Variants in CFAP43 observed in about 807,000 individuals in gnomAD.
CFAP43 encodes cilia- and flagella-associated protein 43.
Under a neutral mutation model 218.9 loss-of-function variants are expected in CFAP43, and 155 were observed. The observed-to-expected ratio is 0.71, with a 90% CI of 0.62 to 0.81. The LOEUF (loss-of-function observed/expected upper bound fraction) is 0.81, where lower values mean the gene tolerates loss of function less well. Ranked by LOEUF, CFAP43 falls within the 30% of genes least tolerant of loss-of-function variation. CFAP43 has a pLI of 0.00. For synonymous variants in CFAP43, 645 were observed against 681.3 expected, an observed-to-expected ratio of 0.95 and a Z score of 0.83; for missense variants, 1,778 against 1,954.3, an observed-to-expected ratio of 0.91 and a Z score of 1.70.
At chr10:104,142,432 A>T in intron 32 of CFAP43, 39 bp from the exon 33 acceptor site, 1 of 1,525,824 alleles carries the variant, frequency 6.6e-7, no homozygotes, top group Non-Finnish European at 9.0e-7. Flanking sequence ...GAACATATGG[A>T]GCTTCAATTT....
At position 104,180,064 on chromosome 10, in the gene CFAP43, A is replaced by C. The variant is rs1218951137; in HGVS notation, c.2290-132T>G. The C allele has an allele frequency of 4.3e-6, 3 of 698,616 alleles. No homozygotes were observed. In the Admixed American group the frequency reaches 7.3e-5, roughly 17 times the overall value. 43.3% of individuals were successfully genotyped at this position (698,616 alleles called of 1,614,324 possible). A position where few individuals can be genotyped will look rare whatever the true frequency, so the allele number is the denominator to read the frequency against. The stretch of plus-strand genomic sequence containing the variant: ...TGCATTTTTGAAAATAATCTCCAAC[A>C]TTTTGTCTGCCCAAGATGTAACATT... On this transcript the variant is annotated intron_variant, in intron 17 of 37. Coordinates refer to ENST00000357060, the MANE Select transcript of CFAP43 (RefSeq NM_025145.7).
chr10:104,228,030 G>C (rs1230829573), intron 2 of CFAP43, among the ~76,000 whole-genome samples: 1 of 151,822 alleles, frequency 6.6e-6, no homozygotes, highest in Non-Finnish European at 1.5e-5. Context: ...TTTTAGTAAA[G>C]ATGGGGTTTC....
chr10:104,170,799 A>G (rs2089376996), intron 20 of CFAP43, among the ~76,000 whole-genome samples: 1 of 152,026 alleles, frequency 6.6e-6, no homozygotes, highest in South Asian at 2.1e-4. Context: ...TTCCTGTTGC[A>G]CAGTTAATAA....
chr10:104,205,631 G>A (rs1200334015), intron 7 of CFAP43, among the ~76,000 whole-genome samples: 2 of 152,174 alleles, frequency 1.3e-5, no homozygotes, highest in Non-Finnish European at 2.9e-5. Flanking sequence ...ATTCGTGTCT[G>A]ATAAGCTAAT....
intron 10 of CFAP43, among the ~76,000 whole-genome samples, chr10:104,194,354 A>G (rs2090324203): frequency 6.6e-6 from 1 of 152,232 alleles, no homozygotes; most frequent in African/African-American, 2.4e-5. Flanking sequence ...CAATTAGACC[A>G]ATAATAGTGA....
At chr10:104,190,646 G>T (rs1276462574) in intron 12 of CFAP43, among the ~76,000 whole-genome samples, 2 of 152,152 alleles carry the variant, frequency 1.3e-5, no homozygotes, top group Non-Finnish European at 2.9e-5. Context: ...TCAACCTCTA[G>T]AACTTTCAAC....
Position 104,143,421 on chromosome 10 carries a change from T to C in CFAP43, c.4158+5A>G, listed in dbSNP as rs1402685565. The C allele has an allele frequency of 6.2e-7, 1 of 1,612,184 alleles. No individual in the cohort carries two copies. Among genetic ancestry groups the C allele is most frequent in the Admixed American group, 1.7e-5 (1 of 59,938 alleles). On this transcript the variant is annotated splice_donor_5th_base_variant and intron_variant, in intron 32 of 37. Coordinates refer to ENST00000357060, the MANE Select transcript of CFAP43 (RefSeq NM_025145.7). ...AAAATTAAATTAAGTTAAAATAGTATATACTTTCTGTTCATTTTCCACTTT... is the reference window on the plus strand; with the variant it reads ...AAAATTAAATTAAGTTAAAATAGTACATACTTTCTGTTCATTTTCCACTTT...
intron 2 of CFAP43, among the ~76,000 whole-genome samples, chr10:104,228,713 C>T (rs1479386496): frequency 1.3e-5 from 2 of 152,142 alleles, no homozygotes; most frequent in African/African-American, 4.8e-5. Context: ...AGGTCACTCA[C>T]ACTTTTTTTT....
At chr10:104,132,686 C>A (rs545532809) in intron 35 of CFAP43, 3 of 985,386 alleles carry the variant, frequency 3.0e-6, no homozygotes, top group Non-Finnish European at 3.6e-6. Context: ...TCAATACATT[C>A]ATGTACACTA....
chr10:104,130,043 TC>T lies in CFAP43; in HGVS notation c.*95del. The T allele has an allele frequency of 7.1e-7, 1 of 1,403,104 alleles. No homozygotes were observed. 86.9% of individuals were successfully genotyped at this position (1,403,104 alleles called of 1,614,324 possible). ...CATGCAACTCAGAGGACATGCTACTTCAATTTCCCAGTAAGAAAGAAAAGGA... is the reference window on the plus strand; with the variant it reads ...CATGCAACTCAGAGGACATGCTACTTAATTTCCCAGTAAGAAAGAAAAGGA... On this transcript the variant is annotated 3_prime_UTR_variant, in exon 38 of 38. Transcript: ENST00000357060.
intron 30 of CFAP43, 88 bp from the exon 31 acceptor site, chr10:104,145,652 C>A: frequency 1.2e-6 from 1 of 822,948 alleles, no homozygotes; most frequent in Non-Finnish European, 1.9e-6. Flanking sequence ...CAGGTGGTAG[C>A]ACTTTGGTTT....
intron 20 of CFAP43, 41 bp from the exon 21 acceptor site, chr10:104,168,889 T>A (rs746109285): frequency 1.2e-5 from 18 of 1,477,416 alleles, no homozygotes; most frequent in Non-Finnish European, 1.6e-5. Context: ...AAAATGAAAG[T>A]GTGGACTCAG....
intron 4 of CFAP43, among the ~76,000 whole-genome samples, chr10:104,212,668 T>A (rs910427744): frequency 6.6e-6 from 1 of 152,200 alleles, no homozygotes; most frequent in Non-Finnish European, 1.5e-5. Context: ...TATTTAAACA[T>A]ATATTCAGGC....
chr10:104,164,036 A>T (rs2089018143), intron 24 of CFAP43, 58 bp downstream of exon 24: 8 of 1,570,332 alleles, frequency 5.1e-6, no homozygotes, highest in Non-Finnish European at 7.0e-6. Flanking sequence ...TTGAACAAAT[A>T]GGAGCTGGGG....
At chr10:104,174,009 A>T (rs1335253236) in intron 19 of CFAP43, among the ~76,000 whole-genome samples, 1 of 152,230 alleles carries the variant, frequency 6.6e-6, no homozygotes, top group East Asian at 1.9e-4. Context: ...AAGAATCATA[A>T]GACTAGAAAA....
At chr10:104,191,513 C>T (rs1370141560) in intron 12 of CFAP43, among the ~76,000 whole-genome samples, 1 of 152,146 alleles carries the variant, frequency 6.6e-6, no homozygotes, top group Non-Finnish European at 1.5e-5. Context: ...CCACTCCTCT[C>T]CTCACACTTG....
chr10:104,198,533 G>A (rs904588544), intron 8 of CFAP43, among the ~76,000 whole-genome samples: 4 of 152,040 alleles, frequency 2.6e-5, no homozygotes, highest in African/African-American at 9.7e-5. Context: ...CGCCCACCTC[G>A]GCCTCCCAAA....
chr10:104,182,464 G>A lies in CFAP43; in HGVS notation c.2191C>T (p.Leu731=), dbSNP rs1323523227. 1.2e-6 allele frequency: 2 copies of A among 1,612,120 alleles called. No homozygotes were observed. The highest frequency in any genetic ancestry group is 2.7e-5 in the African/African-American group (2 of 74,808). The change falls in exon 17 of 38, where the codon CTA becomes TTA. Residue 731 remains leucine, a synonymous_variant. Coordinates refer to ENST00000357060, the MANE Select transcript of CFAP43 (RefSeq NM_025145.7). ...ASEILDYYQK[L]LISLSSAMDK... ...ATGGCGCTGCTCAGGGAAATTAATA[G>A]TTTCTGGTAATAGTCCAGAATTTCA...
Position 104,192,244 on chromosome 10 carries a change from T to C in CFAP43, c.1501A>G (p.Ile501Val), listed in dbSNP as rs750177432. The C allele has an allele frequency of 6.2e-7, 1 of 1,613,230 alleles. No homozygotes were observed. Among genetic ancestry groups the C allele is most frequent in the East Asian group, 2.2e-5 (1 of 44,788 alleles). ...VGTAEGKVFI[I>V]NANSSSSFQI... is the part of the protein sequence containing the mutation. ...AATGAGCTTGAGGAGTTGGCATTGA[T>C]AATAAAGACTTTTCCTTCTGCTGTT... The change falls in exon 12 of 38, where the codon ATC becomes GTC. Residue 501 changes from isoleucine to valine, a missense_variant. Around this residue, in one of 3 missense-constraint regions of CFAP43, gnomAD observed 1,553 missense variants for 1,685.2 expected, o/e 0.92. Coordinates refer to ENST00000357060, the MANE Select transcript of CFAP43 (RefSeq NM_025145.7).
Sources: gnomAD v4.1 joint callset for allele counts (sites outside exome capture counted in the v4.1 genomes callset) on GRCh38, gnomAD v4.1.1 for gene constraint, gnomAD v4.1.1 regional missense constraint, MANE v1.5 for transcripts, NCBI Gene and HGNC (gene_info 2026-07-23, HGNC 2026-07-21) for gene names.